Variants in MIA2 observed in about 807,000 individuals in gnomAD.
MIA2 encodes MIA SH3 domain ER export factor 2, also known as melanoma inhibitory activity protein 2.
Under a neutral mutation model 167.8 loss-of-function variants are expected in MIA2, and 127 were observed. The ratio of observed to expected loss-of-function variants is 0.76; its 90% CI spans 0.66 to 0.88. The LOEUF is 0.88. Ranked by LOEUF, MIA2 falls within the 40% of genes least tolerant of loss-of-function variation. The pLI, the probability that MIA2 is intolerant of heterozygous loss-of-function variation, is 0.00. For missense variants in MIA2, 1,690 were observed against 1,624.7 expected (o/e 1.04, Z -0.69); for synonymous variants, 552 against 541.9 (o/e 1.02, Z -0.26).
Position 39,358,171 on chromosome 14 carries a change from C to T in MIA2, c.2248+9194C>T, listed in dbSNP as rs112303460. ...GTTTTCCAACTTGGTTCCATTCTCC[C>T]CGTCACTTTCAGGTACACCAATCAG... On this transcript the variant is annotated intron_variant, in intron 23 of 23. Coordinates refer to the MIA2 transcript ENST00000341502. Among the ~76,000 whole-genome samples, 13 of 152,280 alleles carry T rather than the reference C, an allele frequency of 8.5e-5. 1 individual carries two copies. Among genetic ancestry groups the T allele is most frequent in the African/African-American group, 2.6e-4 (11 of 41,558 alleles).
chr14:39,349,074 A>T, intron 28 of MIA2, 97 bp downstream of exon 28: 1 of 1,413,336 alleles, frequency 7.1e-7, no homozygotes, highest in Non-Finnish European at 9.6e-7. Context: ...ACAGTGGAGG[A>T]AAGTTTTTTC....
intron 4 of MIA2, among the ~76,000 whole-genome samples, chr14:39,249,264 C>G (rs1311701515): frequency 6.6e-6 from 1 of 152,280 alleles, no homozygotes; most frequent in East Asian, 1.9e-4. Context: ...CCTCAGCCTC[C>G]TGAGTAGCTG....
intron 13 of MIA2, among the ~76,000 whole-genome samples, chr14:39,298,415 A>T (rs112605310): frequency 0.024 from 437 of 18,168 alleles, 15 homozygotes; most frequent in African/African-American, 0.15. Context: ...ATTCTGTTTT[A>T]TATATATATA....
At chr14:39,385,555 C>T (rs1198027531) in intron 23 of MIA2, 2 of 824,414 alleles carry the variant, frequency 2.4e-6, no homozygotes, top group Non-Finnish European at 4.3e-6. Context: ...ATCAAATTTC[C>T]CAGGTTCTCT....
At chr14:39,375,297 G>A (rs1287357108) in intron 23 of MIA2, among the ~76,000 whole-genome samples, 2 of 152,156 alleles carry the variant, frequency 1.3e-5, no homozygotes, top group African/African-American at 4.8e-5. Flanking sequence ...GTTATCATTA[G>A]TTCATACTTT....
intron 23 of MIA2, among the ~76,000 whole-genome samples, chr14:39,360,138 CT>C (rs929522667): frequency 3.9e-4 from 60 of 152,106 alleles, no homozygotes; most frequent in African/African-American, 1.4e-3. Context: ...CCTGTCTCTA[CT>C]AAAAATACAA....
intron 26 of MIA2, among the ~76,000 whole-genome samples, chr14:39,347,176 G>A (rs764835588): frequency 6.6e-6 from 1 of 152,188 alleles, no homozygotes; most frequent in Non-Finnish European, 1.5e-5. Flanking sequence ...GTGGTCAGAA[G>A]CATCAGTGAC....
intron 2 of MIA2, among the ~76,000 whole-genome samples, chr14:39,238,209 G>A (rs2053854301): frequency 6.7e-6 from 1 of 149,244 alleles, no homozygotes; most frequent in Admixed American, 6.7e-5. Flanking sequence ...GAGTCTCTCT[G>A]TCACCCAGAC....
chr14:39,386,021 A>G (rs760470554), intron 23 of MIA2: 7 of 1,001,804 alleles, frequency 7.0e-6, no homozygotes, highest in Admixed American at 3.8e-5. Context: ...ACAGTCTGTC[A>G]TGACAACTCT....
downstream of MIA2, among the ~76,000 whole-genome samples, chr14:39,353,920 T>G (rs62000696): frequency 0.074 from 11,209 of 152,308 alleles, 515 homozygotes; most frequent in South Asian, 0.18. Context: ...CTGCATAGTA[T>G]TCCATGGTGT....
At chr14:39,288,462 T>G (rs369274127) in intron 9 of MIA2, among the ~76,000 whole-genome samples, 1 of 20,048 alleles carries the variant, frequency 5.0e-5, no homozygotes, top group Non-Finnish European at 1.1e-4. Context: ...TATATATATA[T>G]ATATATATAT....
At chr14:39,267,028 T>A in intron 6 of MIA2, 1 of 1,006,886 alleles carries the variant, frequency 9.9e-7, no homozygotes, top group Non-Finnish European at 1.2e-6. Context: ...CAGGGCTGGG[T>A]GGCTTCGCCA....
At chr14:39,278,216 G>C (rs976783697) in intron 7 of MIA2, among the ~76,000 whole-genome samples, 33 of 151,960 alleles carry the variant, frequency 2.2e-4, no homozygotes, top group Admixed American at 2.2e-3. Flanking sequence ...TGCCTGCCTT[G>C]GTCTCCCAAA....
intron 25 of MIA2, among the ~76,000 whole-genome samples, chr14:39,342,189 GT>G (rs1480019171): frequency 1.8e-4 from 25 of 140,924 alleles, no homozygotes; most frequent in Middle Eastern, 4.0e-3. Context: ...AGTCCCCGGT[GT>G]GTGATGTTCC....
chr14:39,339,616 A>T (rs901820397), intron 25 of MIA2, among the ~76,000 whole-genome samples: 5 of 152,180 alleles, frequency 3.3e-5, no homozygotes, highest in African/African-American at 4.8e-5. Context: ...TATTTCAATG[A>T]TGAGTTAATA....
chr14:39,240,996 G>A (rs1350006789), intron 3 of MIA2, among the ~76,000 whole-genome samples: 2 of 152,170 alleles, frequency 1.3e-5, no homozygotes, highest in African/African-American at 4.8e-5. Context: ...TGGGGGTGCT[G>A]AGTATAATAT....
Position 39,350,358 on chromosome 14 carries a change from T to C in MIA2, c.*94T>C, listed in dbSNP as rs2074254210. The stretch of plus-strand genomic sequence containing the variant: ...TTAAGTGATTACACTTTTGCTCAAA[T>C]TGAAGCTTAATGGAATTATAATTCT... On this transcript the variant is annotated 3_prime_UTR_variant, in exon 29 of 29. Transcript: ENST00000640607. The C allele has an allele frequency of 1.1e-5, 6 of 566,048 alleles. No homozygotes were observed. In the Admixed American group the frequency reaches 1.6e-4, roughly 15 times the overall value. The allele number at this position is 566,048 out of a possible 1,614,324, so 35.1% of individuals were successfully genotyped here. A position where few individuals can be genotyped will look rare whatever the true frequency, so the allele number is the denominator to read the frequency against.
At chr14:39,281,619 GTTT>G (rs549847071) in intron 9 of MIA2, among the ~76,000 whole-genome samples, 1 of 133,306 alleles carries the variant, frequency 7.5e-6, no homozygotes. Context: ...TTTTGTTTTG[GTTT>G]TTTTTTTTTT....
chr14:39,352,560 T>C (rs2074417317), downstream of MIA2, among the ~76,000 whole-genome samples: 1 of 151,956 alleles, frequency 6.6e-6, no homozygotes, highest in African/African-American at 2.4e-5. Flanking sequence ...CTTTGGTATC[T>C]GTGGGGGACT....
Sources: allele counts gnomAD v4.1 joint callset (sites outside exome capture counted in the v4.1 genomes callset), GRCh38; gene constraint gnomAD v4.1.1; transcripts MANE v1.5; gene names NCBI Gene and HGNC (gene_info 2026-07-23, HGNC 2026-07-21).